The following MYH6 variants were observed in gnomAD, a reference collection of about 807,000 sequenced individuals.
The protein encoded by MYH6 is myosin heavy chain 6, also known as myosin-6.
MYH6 carries 126 observed loss-of-function variants against 223.2 expected under a neutral mutation model. The ratio of observed to expected loss-of-function variants is 0.56; its 90% CI spans 0.49 to 0.65. MYH6 has a LOEUF of 0.65. Ranked by LOEUF, MYH6 falls within the 30% of genes least tolerant of loss-of-function variation. The pLI is 0.00. For missense variants in MYH6, 2,040 were observed against 2,536.4 expected (o/e 0.80, Z 4.20); for synonymous variants, 978 against 1,010.2 (o/e 0.97, Z 0.61).
intron 37 of MYH6, 42 bp downstream of exon 37, chr14:23,383,183 G>A (rs745960172): frequency 4.7e-6 from 7 of 1,497,302 alleles, no homozygotes; most frequent in Non-Finnish European, 6.5e-6. Context: ...CTCACAAATA[G>A]TAGGTGTGTT....
chr14:23,386,462 A>T lies in MYH6; in HGVS notation c.4812T>A (p.Asp1604Glu). Reference protein sequence around the residue: ...RVVDSLQTSLDAETRSRNEVL... With the variant: ...RVVDSLQTSLEAETRSRNEVL... ...CCTCGTTGCGGCTGCGTGTCTCTGC[A>T]TCCAGGGAGGTCTGCAGCGAGTCCA... The change falls in exon 33 of 39, where the codon GAT becomes GAA. Residue 1604 changes from aspartate (D) to glutamate (E), a missense_variant. By Grantham distance (45) the Asp-to-Glu change is conservative. Around this residue, in one of 4 missense-constraint regions of MYH6, gnomAD observed 1,203 missense variants for 1,400.2 expected, o/e 0.86. Transcript: ENST00000405093. 5 of 1,614,136 alleles carry T rather than the reference A, an allele frequency of 3.1e-6. No individual in the cohort carries two copies. The highest frequency in any genetic ancestry group is 4.2e-6 in the Non-Finnish European group (5 of 1,180,016).
intron 10 of MYH6, 99 bp downstream of exon 10, chr14:23,403,248 TG>T: frequency 2.0e-6 from 2 of 977,008 alleles, no homozygotes; most frequent in Non-Finnish European, 3.3e-6. Flanking sequence ...AGCAGCAAGG[TG>T]GGGCACAGTG....
In MYH6 at chr14:23,382,508, C is replaced by A. The variant is rs1890890980; in HGVS notation, c.5716G>T (p.Asp1906Tyr). ...ATGTCCGCCCGCTCCTCTGCCTCAT[C>A]CAGCTCATGCTGCACCTTGCGGAAC... ...SKFRKVQHEL[D>Y]EAEERADIAE... The change falls in exon 38 of 39, where the codon GAT (aspartate) becomes TAT (tyrosine). Residue 1906 changes from aspartate to tyrosine, a missense_variant. Physicochemically the swap from Asp to Tyr is radical, Grantham distance 160. Coordinates refer to ENST00000405093, the MANE Select transcript of MYH6 (RefSeq NM_002471.4). The A allele has an allele frequency of 6.2e-7, 1 of 1,614,164 alleles. No individual in the cohort carries two copies. The highest frequency in any genetic ancestry group is 8.5e-7 in the Non-Finnish European group (1 of 1,180,036).
intron 37 of MYH6, among the ~76,000 whole-genome samples, chr14:23,383,007 G>C (rs1482556475): frequency 6.6e-6 from 1 of 152,244 alleles, no homozygotes; most frequent in Non-Finnish European, 1.5e-5. Context: ...ACTGCCTTCT[G>C]TTGGGTTATG....
At chr14:23,389,910 C>T in intron 26 of MYH6, 147 bp downstream of exon 26, 1 of 1,539,534 alleles carries the variant, frequency 6.5e-7, no homozygotes, top group South Asian at 1.1e-5. Flanking sequence ...TGAGGAGAGC[C>T]AGAGAGGGGC....
Position 23,389,251 on chromosome 14 carries a change from G to A in MYH6, c.3978+142C>T, listed in dbSNP as rs926529322. 7 of 1,166,560 alleles carry A rather than the reference G, an allele frequency of 6.0e-6. No homozygotes were observed. The Admixed American group carries it at 6.2e-5, about 10-fold the overall frequency. The allele number at this position is 1,166,560 out of a possible 1,614,324, so 72.3% of individuals were successfully genotyped here. A position where few individuals can be genotyped will look rare whatever the true frequency, so the allele number is the denominator to read the frequency against. ...AATAAGAAAAGAGGCATTAAATGAC[G>A]CTTAGCTGCAGGGCAGAACCTAGAC... is the stretch of plus-strand genomic sequence containing the variant. On this transcript the variant is annotated intron_variant, in intron 28 of 38. Transcript: ENST00000405093.
At chr14:23,387,710 C>T (rs978591652) in intron 31 of MYH6, 48 bp downstream of exon 31, 19 of 1,612,976 alleles carry the variant, frequency 1.2e-5, no homozygotes, top group Non-Finnish European at 1.1e-5. Flanking sequence ...CCCTGCATGG[C>T]CCTCCCTCCC....
At position 23,398,732 on chromosome 14, in the gene MYH6, A is replaced by T; in HGVS notation, c.1887T>A (p.Asp629Glu). The T allele has an allele frequency of 6.2e-7, 1 of 1,614,168 alleles. No homozygotes were observed. The highest frequency in any genetic ancestry group is 1.3e-5 in the African/African-American group (1 of 75,042). ...ATLFSSYATA[D>E]TGDSGKSKGG... ...GTGCAGGGGCTGCCTGCTTACCAGT[A>T]TCGGCAGTTGCGTAGGAGGAGAAGA... is the stretch of plus-strand genomic sequence containing the variant. Residue 629 changes from aspartate (D) to glutamate (E), a missense_variant, in exon 15 of 39, where the codon GAT (aspartate) becomes GAA (glutamate). Transcript: ENST00000405093.
rs749403955 is a variant in MYH6 at position 23,384,914 on chromosome 14, A to G, written c.5289+2T>C. 3 of 1,613,892 alleles carry G rather than the reference A, an allele frequency of 1.9e-6. No homozygotes were observed. The highest frequency in any genetic ancestry group is 2.7e-5 in the African/African-American group (2 of 74,928). On this transcript the variant is annotated splice_donor_variant, in intron 35 of 38. Coordinates refer to ENST00000405093, the MANE Select transcript of MYH6 (RefSeq NM_002471.4). LOFTEE classifies it high-confidence loss of function. ...GGAGGCGGAAGGTGGGCGGTCACTTACATCCGTGATGGCCTTCTTGGCCTT... is the reference window on the plus strand; with the variant it reads ...GGAGGCGGAAGGTGGGCGGTCACTTGCATCCGTGATGGCCTTCTTGGCCTT...
At position 23,393,996 on chromosome 14, in the gene MYH6, C is replaced by A. The variant is rs537652794; in HGVS notation, c.2685+72G>T. 2.5e-6 allele frequency: 4 copies of A among 1,613,662 alleles called. No homozygotes were observed. The East Asian group carries it at 8.9e-5, about 36-fold the overall frequency. Reference sequence around the variant, plus strand: ...GAGCTGGCACTCCTAGACTCCCAGTCCCTGGTTGTGAGATGGGCTATAATC... The same window carrying A: ...GAGCTGGCACTCCTAGACTCCCAGTACCTGGTTGTGAGATGGGCTATAATC... On this transcript the variant is annotated intron_variant, in intron 21 of 38. Transcript: ENST00000405093.
Position 23,390,431 on chromosome 14 carries a change from G to C in MYH6, c.3358C>G (p.Leu1120Val). Residue 1120 changes from leucine to valine, a missense_variant, in exon 26 of 39, where the codon CTG becomes GTG. By Grantham distance (32) the Leu-to-Val change is conservative. Transcript: ENST00000405093. ...LKENQARIEE[L>V]EEELEAERTA... ...CGCTCGGCCTCCAGCTCCTCCTCCAGCTCCTCGATGCGTGCCTGGGTCAGA... is the reference window on the plus strand; with the variant it reads ...CGCTCGGCCTCCAGCTCCTCCTCCACCTCCTCGATGCGTGCCTGGGTCAGA... The C allele has an allele frequency of 6.2e-7, 1 of 1,612,558 alleles. No individual in the cohort carries two copies. Among genetic ancestry groups the C allele is most frequent in the Non-Finnish European group, 8.5e-7 (1 of 1,179,926 alleles).
rs139265690 is a variant in MYH6, at chr14:23,388,883, C to T, written c.4151G>A (p.Arg1384Gln). The change falls in exon 29 of 39, where the codon CGG becomes CAG. Residue 1384 changes from arginine to glutamine, a missense_variant. Arg to Gln is a conservative substitution (Grantham distance 43, BLOSUM62 1). Around this residue, in one of 4 missense-constraint regions of MYH6, gnomAD observed 1,203 missense variants for 1,400.2 expected, o/e 0.86. Transcript: ENST00000405093. ...RTKYETDAIQ[R>Q]TEELEEAKKK... Reference sequence around the variant, plus strand: ...CTTGGCCTCTTCGAGCTCCTCAGTCCGCTGAATGGCGTCCGTCTCATACTT... The same window carrying T: ...CTTGGCCTCTTCGAGCTCCTCAGTCTGCTGAATGGCGTCCGTCTCATACTT... The T allele has an allele frequency of 2.6e-5, 42 of 1,613,690 alleles. No individual in the cohort carries two copies. Among genetic ancestry groups the T allele is most frequent in the African/African-American group, 1.3e-4 (10 of 74,934 alleles).
intron 25 of MYH6, among the ~76,000 whole-genome samples, chr14:23,390,972 C>T (rs1040053223): frequency 6.6e-6 from 1 of 152,204 alleles, no homozygotes; most frequent in African/African-American, 2.4e-5. Context: ...CCTTGCTCTC[C>T]CAGGCTTGCT....
intron 8 of MYH6, 87 bp downstream of exon 8, chr14:23,404,209 G>A (rs1029602059): frequency 1.0e-5 from 15 of 1,450,438 alleles, no homozygotes; most frequent in Admixed American, 3.3e-5. Context: ...GCCAGATACA[G>A]TACAATCAAC....
chr14:23,385,241 T>G (rs1042698401), intron 34 of MYH6, among the ~76,000 whole-genome samples, 200 bp from the exon 35 acceptor site: 1 of 152,094 alleles, frequency 6.6e-6, no homozygotes, highest in African/African-American at 2.4e-5. Flanking sequence ...CTAAGATTAC[T>G]AAACTCTGAA....
rs1421176710 is a variant in MYH6 at position 23,399,595 on chromosome 14, CAT to C, written c.1582-560_1582-559del. 3.1e-5 allele frequency: 6 copies of C among 194,058 alleles called. No homozygotes were observed. In the East Asian group the frequency reaches 7.3e-4, roughly 23 times the overall value. The allele number at this position is 194,058 out of a possible 1,614,324, so 12.0% of individuals were successfully genotyped here. A position where few individuals can be genotyped will look rare whatever the true frequency, so the allele number is the denominator to read the frequency against. On this transcript the variant is annotated intron_variant, in intron 14 of 38. Transcript: ENST00000405093. Reference sequence around the variant, plus strand: ...ACACACACACATGCACAAGCACACACATGTATGTATGAATGTACACATGCTTT... The same window carrying C: ...ACACACACACATGCACAAGCACACACGTATGTATGAATGTACACATGCTTT...
At chr14:23,404,971 C>T in intron 6 of MYH6, 129 bp downstream of exon 6, 1 of 1,522,378 alleles carries the variant, frequency 6.6e-7, no homozygotes, top group Non-Finnish European at 9.1e-7. Context: ...TGGCACCCCT[C>T]TAATGAGAGC....
rs1349207745 is a variant in MYH6, at chr14:23,407,788, G to GT, written c.-46-181_-46-180insA. On this transcript the variant is annotated intron_variant, in intron 1 of 38. Coordinates refer to ENST00000405093, the MANE Select transcript of MYH6 (RefSeq NM_002471.4). This position sits in a 1 kb window ranked among gnomAD's most constrained non-coding sequence, Gnocchi z 5.6. ...AAGACGCAGAGGCAGAAAAGAAAGG[G>GT]CACCGAGTCAATATGAGTGCGAGGG... is the stretch of plus-strand genomic sequence containing the variant. Among the ~76,000 whole-genome samples the GT allele has an allele frequency of 3.3e-5, 5 of 152,184 alleles. No individual in the cohort carries two copies. The highest frequency in any genetic ancestry group is 1.2e-4 in the African/African-American group (5 of 41,456).
At chr14:23,386,290 G>A (rs1891018638) in intron 33 of MYH6, 25 bp downstream of exon 33, 1 of 1,613,914 alleles carries the variant, frequency 6.2e-7, no homozygotes, top group African/African-American at 1.3e-5. Context: ...CCAGTCCCCT[G>A]AGGGGACCTC....
Sources: gnomAD v4.1 joint callset for allele counts (sites outside exome capture counted in the v4.1 genomes callset) on GRCh38, gnomAD v4.1.1 for gene constraint, gnomAD v4.1.1 regional missense constraint, Gnocchi (gnomAD v3.1) non-coding constraint, MANE v1.5 for transcripts, NCBI Gene and HGNC (gene_info 2026-07-23, HGNC 2026-07-21) for gene names.